Variants in NADK2 observed in about 807,000 individuals in gnomAD.
The protein encoded by NADK2 is NAD kinase domain-containing protein 1, mitochondrial.
A neutral mutation model predicts 62.1 loss-of-function variants in NADK2; 35 were observed. The ratio of observed to expected loss-of-function variants is 0.56; its 90% CI spans 0.43 to 0.75. The LOEUF is 0.75. Among genes scored for constraint, NADK2 ranks in the 30% least tolerant of loss-of-function variants. The pLI, the probability that NADK2 is intolerant of heterozygous loss-of-function variation, is 0.00. For synonymous variants in NADK2, 205 were observed against 207.9 expected (o/e 0.99, Z 0.12); for missense variants, 439 against 561.3 (o/e 0.78, Z 2.20).
rs368275025 is a variant in NADK2 at position 36,226,490 on chromosome 5, C to T, written c.463G>A (p.Val155Ile). 1.2e-5 allele frequency: 20 copies of T among 1,612,398 alleles called. No individual in the cohort carries two copies. The highest frequency in any genetic ancestry group is 1.7e-5 in the Non-Finnish European group (20 of 1,178,964). ...DEETVRWADA[V>I]IAAGGDGTML... ...AAATTATTACCTCCTGCAGCTATGACAGCATCTGCCCATCGAACAGTCTCT... is the reference window on the plus strand; with the variant it reads ...AAATTATTACCTCCTGCAGCTATGATAGCATCTGCCCATCGAACAGTCTCT... Residue 155 changes from valine to isoleucine, a missense_variant, in exon 3 of 12, where the codon GTC becomes ATC. Val to Ile is a conservative substitution (Grantham distance 29). Coordinates refer to ENST00000381937, the MANE Select transcript of NADK2 (RefSeq NM_001085411.3).
At chr5:36,203,023 C>G (rs1561057022) in intron 8 of NADK2, among the ~76,000 whole-genome samples, 1 of 151,730 alleles carries the variant, frequency 6.6e-6, no homozygotes, top group East Asian at 2.0e-4. Flanking sequence ...CCCTCTCTAT[C>G]AAGAATTAAA....
At chr5:36,201,823 T>G (rs1157315624) in intron 8 of NADK2, among the ~76,000 whole-genome samples, 1 of 152,024 alleles carries the variant, frequency 6.6e-6, no homozygotes, top group Non-Finnish European at 1.5e-5. Flanking sequence ...GTAAGAAATC[T>G]TTTACATGTG....
At chr5:36,206,717 G>C (rs889226293) in intron 8 of NADK2, among the ~76,000 whole-genome samples, 18 of 151,988 alleles carry the variant, frequency 1.2e-4, no homozygotes, top group African/African-American at 4.3e-4. Flanking sequence ...GTATGTTTGG[G>C]AGGCATTTAT....
chr5:36,226,617 A>T (rs1338820071), intron 2 of NADK2, 54 bp from the exon 3 acceptor site: 16 of 1,263,862 alleles, frequency 1.3e-5, no homozygotes, highest in Non-Finnish European at 1.6e-5. Context: ...TATATATAAC[A>T]GGGGTATGTT....
At chr5:36,198,918 G>A (rs1166790874) in intron 10 of NADK2, among the ~76,000 whole-genome samples, 1 of 151,740 alleles carries the variant, frequency 6.6e-6, no homozygotes, top group African/African-American at 2.4e-5. Context: ...GGTCTTATGT[G>A]GAAACCTAAC....
At chr5:36,235,944 C>T (rs1365140134) in intron 1 of NADK2, among the ~76,000 whole-genome samples, 4 of 151,444 alleles carry the variant, frequency 2.6e-5, no homozygotes, top group Admixed American at 2.6e-4. Flanking sequence ...ATAACTGGCA[C>T]ACTTGCTGAT....
chr5:36,198,525 G>A (rs1561054145), intron 10 of NADK2, among the ~76,000 whole-genome samples: 3 of 150,570 alleles, frequency 2.0e-5, no homozygotes, highest in Admixed American at 6.6e-5. Flanking sequence ...TGAAAGGAAT[G>A]CCATTCATTA....
intron 4 of NADK2, among the ~76,000 whole-genome samples, chr5:36,224,349 G>T (rs1356204523): frequency 1.3e-5 from 2 of 152,104 alleles, no homozygotes; most frequent in African/African-American, 4.8e-5. Flanking sequence ...TTGAGATCAG[G>T]AGTTTGAGAC....
chr5:36,226,462 G>C lies in NADK2; in HGVS notation c.478+13C>G. On this transcript the variant is annotated intron_variant, in intron 3 of 11. Transcript: ENST00000381937. The stretch of plus-strand genomic sequence containing the variant: ...TGTATATGCCAACATCTTTACTTCT[G>C]TCAAATTATTACCTCCTGCAGCTAT... 6.3e-7 allele frequency: 1 copy of C among 1,598,468 alleles called. No individual in the cohort carries two copies. The highest frequency in any genetic ancestry group is 8.6e-7 in the Non-Finnish European group (1 of 1,167,190).
chr5:36,212,439 C>T (rs1470452632), intron 6 of NADK2: 2 of 152,296 alleles, frequency 1.3e-5, no homozygotes, highest in African/African-American at 4.8e-5. Flanking sequence ...CCCTTCATAA[C>T]TCCTAAAAAA....
intron 9 of NADK2, among the ~76,000 whole-genome samples, chr5:36,200,789 C>A (rs1020171066): frequency 1.3e-5 from 2 of 151,820 alleles, no homozygotes; most frequent in Non-Finnish European, 2.9e-5. Flanking sequence ...TTCAAGTCAC[C>A]CTTATTTAAC....
At chr5:36,200,116 G>C (rs1375161834) in intron 10 of NADK2, 111 bp downstream of exon 10, 1 of 609,262 alleles carries the variant, frequency 1.6e-6, no homozygotes, top group Non-Finnish European at 2.7e-6. Context: ...TGTATTAAAA[G>C]CATGTTTGAG....
chr5:36,225,202 A>G (rs1747436682), intron 4 of NADK2, among the ~76,000 whole-genome samples: 1 of 152,160 alleles, frequency 6.6e-6, no homozygotes, highest in African/African-American at 2.4e-5. Flanking sequence ...TTAAAACTAG[A>G]GCTATATCCT....
rs1424070285 is a variant in NADK2 at position 36,193,990 on chromosome 5, T to C, written c.*1154A>G. 2 of 152,626 alleles carry C rather than the reference T, an allele frequency of 1.3e-5. No individual in the cohort carries two copies. Among genetic ancestry groups the C allele is most frequent in the Admixed American group, 1.3e-4 (2 of 15,268 alleles). The allele number at this position is 152,626 out of a possible 1,614,324, so 9.5% of individuals were successfully genotyped here. ...CACCAAATGAAAGAAACACATGACTTTGAACAACGGCACGAGAATACCAAC... is the reference window on the plus strand; with the variant it reads ...CACCAAATGAAAGAAACACATGACTCTGAACAACGGCACGAGAATACCAAC... On this transcript the variant is annotated 3_prime_UTR_variant, in exon 12 of 12. Coordinates refer to ENST00000381937, the MANE Select transcript of NADK2 (RefSeq NM_001085411.3).
chr5:36,232,817 AT>A, intron 1 of NADK2, among the ~76,000 whole-genome samples: 1 of 152,150 alleles, frequency 6.6e-6, no homozygotes, highest in African/African-American at 2.4e-5. Context: ...TACCAAGTAT[AT>A]CCCAGTAACC....
intron 7 of NADK2, among the ~76,000 whole-genome samples, chr5:36,209,115 C>T (rs565745977): frequency 1.3e-5 from 2 of 152,170 alleles, no homozygotes; most frequent in South Asian, 2.1e-4. Flanking sequence ...AGTTCTAATA[C>T]CTGCAGTAGT....
intron 6 of NADK2, among the ~76,000 whole-genome samples, chr5:36,214,146 T>G (rs1746957927): frequency 6.6e-6 from 1 of 152,194 alleles, no homozygotes; most frequent in Admixed American, 6.5e-5. Flanking sequence ...ATTTAAAACT[T>G]GCCACAATGG....
intron 8 of NADK2, among the ~76,000 whole-genome samples, chr5:36,203,216 C>G (rs376204364): frequency 6.6e-6 from 1 of 152,020 alleles, no homozygotes; most frequent in African/African-American, 2.4e-5. Context: ...CACCTACTTC[C>G]AGAGTATTTG....
At position 36,194,969 on chromosome 5, in the gene NADK2, A is replaced by G; in HGVS notation, c.*175T>C. The G allele has an allele frequency of 1.7e-6, 1 of 600,156 alleles. No individual in the cohort carries two copies. 37.2% of individuals were successfully genotyped at this position (600,156 alleles called of 1,614,324 possible). ...GTTCAGTCCATCCATTTTCTTATACAGTGAATGTCTTTTTTTCTATCAGAA... is the reference window on the plus strand; with the variant it reads ...GTTCAGTCCATCCATTTTCTTATACGGTGAATGTCTTTTTTTCTATCAGAA... On this transcript the variant is annotated 3_prime_UTR_variant, in exon 12 of 12. Transcript: ENST00000381937.
Sources: gnomAD v4.1 joint callset for allele counts (sites outside exome capture counted in the v4.1 genomes callset) on GRCh38, gnomAD v4.1.1 for gene constraint, MANE v1.5 for transcripts, NCBI Gene and HGNC (gene_info 2026-07-23, HGNC 2026-07-21) for gene names.